The following MTAP variants were observed in gnomAD, a reference collection of about 807,000 sequenced individuals.
The protein encoded by MTAP is S-methyl-5'-thioadenosine phosphorylase.
Under a neutral mutation model 33.6 loss-of-function variants are expected in MTAP, and 33 were observed. The ratio of observed to expected loss-of-function variants is 0.98; its 90% CI spans 0.74 to 1.31. MTAP has a LOEUF of 1.31. Ranked by LOEUF, MTAP falls within the 40% of genes most tolerant of loss-of-function variation. The probability of loss-of-function intolerance (pLI) is 0.00; values close to 1 mark genes in which losing one functional copy is unlikely to be tolerated. For missense variants in MTAP, 367 were observed against 360.0 expected (o/e 1.02, Z -0.16); for synonymous variants, 148 against 125.7 (o/e 1.18, Z -1.19).
At chr9:21,931,357 A>C, downstream of MTAP, 1 of 528,070 alleles carries the variant, frequency 1.9e-6, no homozygotes, top group African/African-American at 1.9e-5. Flanking sequence ...TGAGTAAGGG[A>C]GGAGAGACCC....
chr9:21,912,917 T>G (rs1434500040), intron 1 of MTAP, among the ~76,000 whole-genome samples: 1 of 152,336 alleles, frequency 6.6e-6, no homozygotes, highest in East Asian at 1.9e-4. Flanking sequence ...GTTAAGCTGA[T>G]AAGCAACTTC....
intron 5 of MTAP, among the ~76,000 whole-genome samples, chr9:21,844,369 A>G (rs569921197): frequency 6.6e-6 from 1 of 152,328 alleles, no homozygotes; most frequent in South Asian, 2.1e-4. Context: ...ATCCTTCCTA[A>G]TTCATTCTGT....
chr9:21,903,858 C>G (rs963767775), intron 1 of MTAP, among the ~76,000 whole-genome samples: 1 of 152,108 alleles, frequency 6.6e-6, no homozygotes, highest in Non-Finnish European at 1.5e-5. Context: ...ACAGGGTGCT[C>G]TTTTAGTTTA....
intron 4 of MTAP, among the ~76,000 whole-genome samples, chr9:21,825,101 C>A (rs112566901): frequency 3.3e-5 from 5 of 152,110 alleles, no homozygotes; most frequent in South Asian, 4.1e-4. Flanking sequence ...GGGCTGCACC[C>A]GCTCTCCGGC....
intron 7 of MTAP, 44 bp downstream of exon 7, chr9:21,859,469 T>A: frequency 1.3e-6 from 2 of 1,547,628 alleles, no homozygotes; most frequent in African/African-American, 1.4e-5. Context: ...GTAGACTCTC[T>A]ATTGTCTTCT....
At chr9:21,830,787 T>C (rs1200927339) in intron 4 of MTAP, among the ~76,000 whole-genome samples, 2 of 152,174 alleles carry the variant, frequency 1.3e-5, no homozygotes, top group Non-Finnish European at 2.9e-5. Context: ...TAAATGAGAC[T>C]TAGAGAAATG....
intron 7 of MTAP, chr9:21,861,205 T>C (rs970796723): frequency 6.6e-6 from 1 of 152,238 alleles, no homozygotes; most frequent in Non-Finnish European, 1.5e-5. Context: ...ATCAGTGTTC[T>C]CCTTTCCTGG....
Position 21,864,635 on chromosome 9 carries a change from C to T in MTAP, c.*2621C>T, listed in dbSNP as rs1436640362. The T allele has an allele frequency of 2.3e-5, 23 of 985,378 alleles. No homozygotes were observed. The highest frequency in any genetic ancestry group is 4.7e-5 in the South Asian group (1 of 21,290). 61.0% of individuals were successfully genotyped at this position (985,378 alleles called of 1,614,324 possible). On this transcript the variant is annotated 3_prime_UTR_variant, in exon 8 of 8. Transcript: ENST00000644715. ...CCTGGCCCCTGTTCACTGCCCCCTT[C>T]GCTAGCACGAGTTGCTGTGCAGGGC...
chr9:21,931,348 G>A (rs1818955385), downstream of MTAP: 1 of 549,296 alleles, frequency 1.8e-6, no homozygotes, highest in Admixed American at 3.2e-5. Flanking sequence ...AGGCAGACAT[G>A]AGTAAGGGAG....
intron 1 of MTAP, among the ~76,000 whole-genome samples, chr9:21,908,446 G>T (rs1434582971): frequency 6.6e-6 from 1 of 152,086 alleles, no homozygotes; most frequent in African/African-American, 2.4e-5. Context: ...TGTGTTAAAT[G>T]TGTTAATTTC....
chr9:21,825,733 T>TA (rs1430378209), intron 4 of MTAP, among the ~76,000 whole-genome samples: 4 of 152,134 alleles, frequency 2.6e-5, no homozygotes, highest in Non-Finnish European at 5.9e-5. Flanking sequence ...CCCAGATACT[T>TA]AAGAGACTGA....
chr9:21,869,912 C>T (rs1307641304), downstream of MTAP, among the ~76,000 whole-genome samples: 2 of 152,130 alleles, frequency 1.3e-5, no homozygotes, highest in Non-Finnish European at 2.9e-5. Flanking sequence ...TTTATGATAG[C>T]CTATGAATCC....
intron 1 of MTAP, among the ~76,000 whole-genome samples, chr9:21,911,536 A>C (rs919680167): frequency 3.3e-5 from 5 of 152,242 alleles, no homozygotes; most frequent in Non-Finnish European, 7.3e-5. Flanking sequence ...ACTACTGGGT[A>C]CATAACGAAA....
chr9:21,844,854 AC>A (rs1346077047), intron 5 of MTAP, among the ~76,000 whole-genome samples: 1 of 152,078 alleles, frequency 6.6e-6, no homozygotes, highest in Non-Finnish European at 1.5e-5. Context: ...ACACGGTGAA[AC>A]CCCATCTCTA....
chr9:21,826,889 C>G (rs1824825785), intron 4 of MTAP, among the ~76,000 whole-genome samples: 1 of 152,036 alleles, frequency 6.6e-6, no homozygotes, highest in Admixed American at 6.6e-5. Flanking sequence ...CCTGTCAGAT[C>G]AGCAGCAGCA....
chr9:21,879,396 T>A (rs1175318301), intron 1 of MTAP, among the ~76,000 whole-genome samples: 5 of 152,182 alleles, frequency 3.3e-5, no homozygotes, highest in African/African-American at 4.8e-5. Context: ...TGATTTCCAT[T>A]TGCTTGGTAT....
rs201957584 is a variant in MTAP at position 21,807,778 on chromosome 9, A to AT, written c.33+5003dup. 6.6e-3 allele frequency among the ~76,000 whole-genome samples: 999 copies of AT among 152,222 alleles called. 10 individuals carry two copies. Among genetic ancestry groups the AT allele is most frequent in the African/African-American group, 0.023 (946 of 41,532 alleles). The stretch of plus-strand genomic sequence containing the variant: ...TGTTGCTTTGAGGAAGTTTATTTTG[A>AT]TTTTTTATTTTTGCCAGGAGTGGTA... On this transcript the variant is annotated intron_variant, in intron 1 of 7. Transcript: ENST00000644715.
At chr9:21,892,315 G>T (rs748897805) in intron 1 of MTAP, 2 of 152,082 alleles carry the variant, frequency 1.3e-5, no homozygotes, top group Admixed American at 6.6e-5. Context: ...CACTTAAAAG[G>T]CACACAGTGG....
intron 4 of MTAP, among the ~76,000 whole-genome samples, chr9:21,835,205 T>A (rs1418592460): frequency 1.3e-5 from 2 of 152,174 alleles, no homozygotes; most frequent in Non-Finnish European, 2.9e-5. Flanking sequence ...GAGATCTGCC[T>A]AATCACCTCC....
Sources: gnomAD v4.1 joint callset for allele counts (sites outside exome capture counted in the v4.1 genomes callset) on GRCh38, gnomAD v4.1.1 for gene constraint, MANE v1.5 for transcripts, NCBI Gene and HGNC (gene_info 2026-07-23, HGNC 2026-07-21) for gene names.